Variants in ALMS1 observed in about 807,000 individuals in gnomAD.
ALMS1 encodes centrosome-associated protein ALMS1.
A neutral mutation model predicts 352.2 loss-of-function variants in ALMS1; 271 were observed. The ratio of observed to expected loss-of-function variants is 0.77; its 90% CI spans 0.70 to 0.85. ALMS1 has a LOEUF of 0.85. ALMS1 is among the 40% of genes least tolerant of loss of function. The probability of loss-of-function intolerance (pLI) is 0.00; values close to 1 mark genes in which losing one functional copy is unlikely to be tolerated. For synonymous variants in ALMS1, 1,865 were observed against 1,761.2 expected, an observed-to-expected ratio of 1.06 and a Z score of -1.48; for missense variants, 5,445 against 4,870.7, an observed-to-expected ratio of 1.12 and a Z score of -3.51.
intron 1 of ALMS1, among the ~76,000 whole-genome samples, chr2:73,403,408 G>A (rs963290110): frequency 1.1e-4 from 16 of 152,104 alleles, no homozygotes; most frequent in African/African-American, 3.9e-4. Context: ...TTTTATGCCA[G>A]TACCACACTG....
intron 16 of ALMS1, among the ~76,000 whole-genome samples, chr2:73,589,229 T>C (rs1675372794): frequency 6.6e-6 from 1 of 152,180 alleles, no homozygotes; most frequent in Admixed American, 6.5e-5. Context: ...ACACAAAAAG[T>C]TATAAGCTTA....
In ALMS1 at chr2:73,449,192, A is replaced by T. The variant is rs377282102; in HGVS notation, c.2665A>T (p.Ile889Phe). The part of the protein sequence containing the change: ...HLTEEALKVS[I>F]VPGPGDQKTG... ...AACTGAAGAGGCTCTGAAAGTATCA[A>T]TTGTTCCTGGACCAGGTGATCAGAA... Residue 889 changes from isoleucine (I) to phenylalanine (F), a missense_variant, in exon 8 of 23, where the codon ATT becomes TTT. Transcript: ENST00000613296. 1.9e-6 allele frequency: 3 copies of T among 1,613,906 alleles called. No homozygotes were observed. Among genetic ancestry groups the T allele is most frequent in the Admixed American group, 3.3e-5 (2 of 59,986 alleles).
chr2:73,484,010 G>A (rs1208678551), intron 9 of ALMS1, among the ~76,000 whole-genome samples: 8,791 of 151,010 alleles, frequency 0.058, 686 homozygotes, highest in African/African-American at 0.16. Flanking sequence ...ACACTGATGG[G>A]TCTTGACTCT....
In ALMS1 at chr2:73,559,093, C is replaced by T. The variant is rs78108069; in HGVS notation, c.10335C>T (p.Pro3445=). 5,066 of 1,613,794 alleles carry T rather than the reference C, an allele frequency of 3.1e-3. 151 individuals carry two copies. The African/African-American group carries it at 0.058, about 19-fold the overall frequency. ...KEEIHRKKTV[P]EEAWPNNKES... is the part of the protein sequence containing the mutation. ...AGATCCATAGGAAGAAGACAGTTCCCGAGGAAGCCTGGCCAAACAATAAAG... is the reference window on the plus strand; with the variant it reads ...AGATCCATAGGAAGAAGACAGTTCCTGAGGAAGCCTGGCCAAACAATAAAG... Residue 3445 remains proline, a synonymous_variant, in exon 15 of 23, where the codon CCC becomes CCT. Coordinates refer to ENST00000613296, the MANE Select transcript of ALMS1 (RefSeq NM_001378454.1).
At chr2:73,406,684 T>C (rs1258432807) in intron 1 of ALMS1, among the ~76,000 whole-genome samples, 1 of 152,134 alleles carries the variant, frequency 6.6e-6, no homozygotes, top group African/African-American at 2.4e-5. Flanking sequence ...AAAACTCTAG[T>C]CCTTTATAGC....
Position 73,451,724 on chromosome 2 carries a change from C to T in ALMS1, c.5197C>T (p.Gln1733Ter), listed in dbSNP as rs750136202. 6.2e-7 allele frequency: 1 copy of T among 1,613,668 alleles called. No individual in the cohort carries two copies. Among genetic ancestry groups the T allele is most frequent in the Non-Finnish European group, 8.5e-7 (1 of 1,179,884 alleles). The part of the protein sequence containing the change: ...QQALPDSELT[Q>*]EALKVSAVPQ... ...GGCCCTGCCAGACAGTGAGCTAACT[C>T]AAGAAGCTCTGAAAGTTTCAGCTGT... The change falls in exon 8 of 23, where the codon CAA (glutamine) becomes TAA (stop). Residue 1733 changes from glutamine (Q) to a stop codon, truncating the protein, a stop_gained. Coordinates refer to ENST00000613296, the MANE Select transcript of ALMS1 (RefSeq NM_001378454.1). LOFTEE classifies it high-confidence loss of function.
intron 14 of ALMS1, 113 bp from the exon 15 acceptor site, chr2:73,558,859 T>G: frequency 8.4e-7 from 1 of 1,194,962 alleles, no homozygotes; most frequent in Non-Finnish European, 1.2e-6. Flanking sequence ...TGAGTCATCT[T>G]TTTTCTTCAA....
chr2:73,501,842 T>G (rs1242675667), intron 10 of ALMS1, among the ~76,000 whole-genome samples: 3 of 152,102 alleles, frequency 2.0e-5, no homozygotes, highest in Non-Finnish European at 2.9e-5. Flanking sequence ...ATGGAATCTG[T>G]AGATCAATTT....
chr2:73,451,702 C>T lies in ALMS1; in HGVS notation c.5175C>T (p.Ala1725=). ...AGCCCATTGTCTTCTACCAACAGGCCCTGCCAGACAGTGAGCTAACTCAAG... is the reference window on the plus strand; with the variant it reads ...AGCCCATTGTCTTCTACCAACAGGCTCTGCCAGACAGTGAGCTAACTCAAG... ...REKPIVFYQQ[A]LPDSELTQEA... The change falls in exon 8 of 23, where the codon GCC becomes GCT. Residue 1725 remains alanine (A), a synonymous_variant. Transcript: ENST00000613296. The T allele has an allele frequency of 6.2e-7, 1 of 1,613,258 alleles. No homozygotes were observed. The highest frequency in any genetic ancestry group is 1.1e-5 in the South Asian group (1 of 91,018).
intron 6 of ALMS1, among the ~76,000 whole-genome samples, chr2:73,428,870 A>G (rs1335974020): frequency 6.6e-6 from 1 of 152,142 alleles, no homozygotes; most frequent in Non-Finnish European, 1.5e-5. Flanking sequence ...TATGCTCCTC[A>G]TCTGTGTCAC....
chr2:73,582,300 A>AT (rs1199544463), intron 16 of ALMS1, among the ~76,000 whole-genome samples: 2 of 152,014 alleles, frequency 1.3e-5, no homozygotes, highest in Admixed American at 1.3e-4. Flanking sequence ...TTTCATTCTG[A>AT]TGTATTTATT....
chr2:73,410,367 C>T (rs893051468), intron 2 of ALMS1, among the ~76,000 whole-genome samples: 1 of 151,810 alleles, frequency 6.6e-6, no homozygotes, highest in African/African-American at 2.4e-5. Flanking sequence ...CCATCCTGGG[C>T]GATGGAGCAA....
chr2:73,588,971 CTA>C (rs1010205590), intron 16 of ALMS1, among the ~76,000 whole-genome samples: 2 of 151,890 alleles, frequency 1.3e-5, no homozygotes, highest in African/African-American at 4.8e-5. Context: ...AGATATAAAA[CTA>C]TGTATACATA....
At chr2:73,462,485 C>A (rs975037618) in intron 9 of ALMS1, among the ~76,000 whole-genome samples, 17 of 152,134 alleles carry the variant, frequency 1.1e-4, no homozygotes, top group Non-Finnish European at 2.4e-4. Context: ...ACAACTGGTA[C>A]CAGCCACTGC....
Position 73,453,955 on chromosome 2 carries a change from A to G in ALMS1, c.7428A>G (p.Val2476=), listed in dbSNP as rs2103793983. Residue 2476 remains valine (V), a synonymous_variant, in exon 8 of 23, where the codon GTA becomes GTG. Coordinates refer to ENST00000613296, the MANE Select transcript of ALMS1 (RefSeq NM_001378454.1). ...SESEDGGGSS[V]DSLAAHVKNL... ...GTGAGGATGGTGGTGGTAGCAGTGTAGATTCACTGGCTGCACATGTGAAAA... is the reference window on the plus strand; with the variant it reads ...GTGAGGATGGTGGTGGTAGCAGTGTGGATTCACTGGCTGCACATGTGAAAA... 1 of 1,613,974 alleles carries G rather than the reference A, an allele frequency of 6.2e-7. No homozygotes were observed. The highest frequency in any genetic ancestry group is 8.5e-7 in the Non-Finnish European group (1 of 1,179,988).
intron 12 of ALMS1, 100 bp from the exon 13 acceptor site, chr2:73,550,167 C>T (rs998219449): frequency 7.5e-7 from 1 of 1,332,284 alleles, no homozygotes; most frequent in Non-Finnish European, 1.1e-6. Flanking sequence ...GCCTGTAGTG[C>T]TTTTTTCATA....
chr2:73,555,521 C>G (rs966197406), intron 13 of ALMS1, among the ~76,000 whole-genome samples: 1 of 152,186 alleles, frequency 6.6e-6, no homozygotes, highest in Non-Finnish European at 1.5e-5. Flanking sequence ...TTTAGATGGT[C>G]TGTCCTTATG....
chr2:73,411,567 A>T (rs910757647), intron 2 of ALMS1, among the ~76,000 whole-genome samples: 1 of 152,192 alleles, frequency 6.6e-6, no homozygotes, highest in African/African-American at 2.4e-5. Flanking sequence ...AATACGAACC[A>T]TGATGGACCC....
chr2:73,565,840 A>G (rs1049430268), intron 15 of ALMS1, among the ~76,000 whole-genome samples: 1 of 152,220 alleles, frequency 6.6e-6, no homozygotes, highest in African/African-American at 2.4e-5. Context: ...GTACTTCTCA[A>G]AACTGTCAGA....
Sources: gnomAD v4.1 joint callset for allele counts (sites outside exome capture counted in the v4.1 genomes callset) on GRCh38, gnomAD v4.1.1 for gene constraint, MANE v1.5 for transcripts, NCBI Gene and HGNC (gene_info 2026-07-23, HGNC 2026-07-21) for gene names.